The following PTPN14 variants were observed in gnomAD, a reference collection of about 807,000 sequenced individuals.
PTPN14 encodes protein tyrosine phosphatase non-receptor type 14, also known as tyrosine-protein phosphatase non-receptor type 14.
In PTPN14, 53 loss-of-function variants were observed where a neutral mutation model predicts 126.8. That is an observed-to-expected ratio of 0.42 (90% CI 0.34 to 0.53). The LOEUF is 0.53. PTPN14 is among the 20% of genes least tolerant of loss of function. PTPN14 has a pLI of 0.08. For missense variants in PTPN14, 1,257 were observed against 1,552.9 expected, an observed-to-expected ratio of 0.81 and a Z score of 3.20; for synonymous variants, 630 against 599.3, an observed-to-expected ratio of 1.05 and a Z score of -0.75.
At chr1:214,520,065 A>AAATATATATATAT in intron 1 of PTPN14, among the ~76,000 whole-genome samples, 9 of 71,102 alleles carry the variant, frequency 1.3e-4, no homozygotes, top group African/African-American at 6.6e-4. Flanking sequence ...AAAAAAAAAA[A>AAATATATATATAT]ATATATATAT....
chr1:214,406,216 G>A (rs1182507843), intron 5 of PTPN14, among the ~76,000 whole-genome samples: 1 of 152,190 alleles, frequency 6.6e-6, no homozygotes, highest in Non-Finnish European at 1.5e-5. Context: ...CAGTGGCTCA[G>A]CCTGTAATAC....
intron 3 of PTPN14, among the ~76,000 whole-genome samples, chr1:214,450,636 G>A (rs1362316944): frequency 1.3e-5 from 2 of 152,030 alleles, no homozygotes; most frequent in Non-Finnish European, 2.9e-5. Context: ...GCATGTTCCC[G>A]CATTGCTTCC....
At chr1:214,378,248 A>C in intron 13 of PTPN14, 146 bp from the exon 14 acceptor site, 1 of 1,085,514 alleles carries the variant, frequency 9.2e-7, no homozygotes, top group South Asian at 1.8e-5. Flanking sequence ...CAGCCTTCCC[A>C]CTATTCCCAC....
chr1:214,494,734 C>T (rs1571621805), intron 1 of PTPN14, among the ~76,000 whole-genome samples: 1 of 152,090 alleles, frequency 6.6e-6, no homozygotes, highest in Non-Finnish European at 1.5e-5. Context: ...GGAAGAGTGG[C>T]CTCTCCTGAT....
chr1:214,476,346 T>C (rs1481701077), intron 1 of PTPN14, among the ~76,000 whole-genome samples: 1 of 152,068 alleles, frequency 6.6e-6, no homozygotes, highest in Non-Finnish European at 1.5e-5. Context: ...TCACTGAGGA[T>C]AAACATACCT....
chr1:214,517,721 G>A (rs1437692368), intron 1 of PTPN14, among the ~76,000 whole-genome samples: 1 of 152,114 alleles, frequency 6.6e-6, no homozygotes, highest in African/African-American at 2.4e-5. Context: ...GAGGCAGGTG[G>A]ATTGCTTGAG....
chr1:214,507,657 A>G (rs939402931), intron 1 of PTPN14, among the ~76,000 whole-genome samples: 3 of 152,196 alleles, frequency 2.0e-5, no homozygotes, highest in African/African-American at 7.2e-5. Flanking sequence ...AATATCAATT[A>G]CAGGCATATC....
chr1:214,495,647 T>C (rs1162024438), intron 1 of PTPN14, among the ~76,000 whole-genome samples: 1 of 151,602 alleles, frequency 6.6e-6, no homozygotes. Flanking sequence ...ACAGTTATCA[T>C]GTGCTATTTT....
chr1:214,534,782 T>G (rs1181292150), intron 1 of PTPN14, among the ~76,000 whole-genome samples: 1 of 151,966 alleles, frequency 6.6e-6, no homozygotes, highest in African/African-American at 2.4e-5. Flanking sequence ...TCCCTTCCTA[T>G]AAGATATCCC....
chr1:214,439,092 GT>G (rs1004384857), intron 3 of PTPN14, among the ~76,000 whole-genome samples: 3 of 151,484 alleles, frequency 2.0e-5, no homozygotes, highest in Non-Finnish European at 4.4e-5. Context: ...CCTTTGTAGT[GT>G]TTTTTTTATT....
intron 8 of PTPN14, among the ~76,000 whole-genome samples, chr1:214,397,244 G>A (rs1000539890): frequency 5.3e-5 from 8 of 152,138 alleles, no homozygotes; most frequent in African/African-American, 1.7e-4. Context: ...ACACAGATCC[G>A]CCTCAGACAC....
intron 1 of PTPN14, among the ~76,000 whole-genome samples, chr1:214,525,167 G>C (rs1410282381): frequency 6.6e-6 from 1 of 152,192 alleles, no homozygotes; most frequent in Non-Finnish European, 1.5e-5. Flanking sequence ...CCAGCACTGT[G>C]ACAGAAGGCA....
chr1:214,393,644 A>C (rs767917708), intron 10 of PTPN14, 51 bp downstream of exon 10: 49 of 1,378,068 alleles, frequency 3.6e-5, no homozygotes, highest in Admixed American at 1.8e-5. Context: ...AAAGGACATT[A>C]ATTTAATCTG....
At chr1:214,379,041 T>A (rs1214841174) in intron 13 of PTPN14, among the ~76,000 whole-genome samples, 1 of 152,106 alleles carries the variant, frequency 6.6e-6, no homozygotes, top group East Asian at 1.9e-4. Context: ...ACTAACCGAG[T>A]ATGAAAAAGC....
chr1:214,538,736 CTAAG>C (rs1373145985), intron 1 of PTPN14, among the ~76,000 whole-genome samples: 12 of 152,068 alleles, frequency 7.9e-5, no homozygotes, highest in African/African-American at 1.2e-4. Flanking sequence ...AGTATTCTAA[CTAAG>C]TAAGTGGGGG....
At chr1:214,465,951 C>CTTT (rs71165974) in intron 1 of PTPN14, among the ~76,000 whole-genome samples, 1,304 of 58,872 alleles carry the variant, frequency 0.022, 308 homozygotes, top group African/African-American at 0.069. Flanking sequence ...CAGTTACTTC[C>CTTT]TTTTTTTTTT....
intron 14 of PTPN14, 141 bp from the exon 15 acceptor site, chr1:214,376,578 C>A: frequency 1.4e-6 from 1 of 712,558 alleles, no homozygotes; most frequent in Non-Finnish European, 2.3e-6. Flanking sequence ...GTCTCATTAT[C>A]AACCATATTG....
chr1:214,485,730 CTT>C (rs572888987), intron 1 of PTPN14, among the ~76,000 whole-genome samples: 6 of 145,808 alleles, frequency 4.1e-5, no homozygotes, highest in Non-Finnish European at 4.6e-5. Flanking sequence ...TTTTATATTT[CTT>C]TTTTTTTTTT....
intron 7 of PTPN14, among the ~76,000 whole-genome samples, chr1:214,401,200 A>T (rs931216912): frequency 1.3e-5 from 2 of 152,184 alleles, no homozygotes; most frequent in African/African-American, 4.8e-5. Context: ...TAAAACACCA[A>T]AGGGGCTAGG....
Sources: gnomAD v4.1 joint callset for allele counts (sites outside exome capture counted in the v4.1 genomes callset) on GRCh38, gnomAD v4.1.1 for gene constraint, MANE v1.5 for transcripts, NCBI Gene and HGNC (gene_info 2026-07-23, HGNC 2026-07-21) for gene names.